Variants in ITGB3BP observed in about 807,000 individuals in gnomAD.
The protein encoded by ITGB3BP is centromere protein R.
Under a neutral mutation model 29.1 loss-of-function variants are expected in ITGB3BP, and 27 were observed. That is an observed-to-expected ratio of 0.93 (90% CI 0.68 to 1.28). The LOEUF is 1.28. Among genes scored for constraint, ITGB3BP ranks in the 50% most tolerant of loss-of-function variants. The pLI is 0.00. For synonymous variants in ITGB3BP, 61 were observed against 61.4 expected (o/e 0.99, Z 0.03); for missense variants, 192 against 200.2 (o/e 0.96, Z 0.25).
intron 1 of ITGB3BP, 99 bp downstream of exon 1, chr1:63,523,030 G>GA: frequency 6.8e-7 from 1 of 1,462,838 alleles, no homozygotes; most frequent in Middle Eastern, 1.7e-4. Context: ...TTCATACTCC[G>GA]AAAAAATAGG....
chr1:63,528,668 T>TA (rs1646640463), intron 2 of ITGB3BP, among the ~76,000 whole-genome samples: 2 of 152,108 alleles, frequency 1.3e-5, no homozygotes, highest in African/African-American at 4.8e-5. Context: ...AAATCTCATA[T>TA]TATACACCTA....
intron 8 of ITGB3BP, among the ~76,000 whole-genome samples, chr1:63,443,694 G>C (rs917860154): frequency 2.0e-5 from 3 of 152,142 alleles, no homozygotes; most frequent in African/African-American, 7.2e-5. Context: ...CTGGAAGAGA[G>C]GTAATGGAGA....
chr1:63,468,452 G>A (rs1489590065), intron 4 of ITGB3BP, among the ~76,000 whole-genome samples: 3 of 152,240 alleles, frequency 2.0e-5, no homozygotes, highest in South Asian at 2.1e-4. Flanking sequence ...CTGCAGCTGG[G>A]CACGGTGGCT....
chr1:63,493,090 G>GCGCGCGCA (rs1260680627), intron 2 of ITGB3BP, among the ~76,000 whole-genome samples: 4 of 141,580 alleles, frequency 2.8e-5, no homozygotes, highest in Non-Finnish European at 4.5e-5. Flanking sequence ...ACACACACAC[G>GCGCGCGCA]CGCGCGCGCG....
chr1:63,515,872 C>T (rs969866935), intron 1 of ITGB3BP, among the ~76,000 whole-genome samples: 5 of 146,452 alleles, frequency 3.4e-5, no homozygotes, highest in South Asian at 2.2e-4. Context: ...CAGCAACCAC[C>T]ACACTACTGG....
chr1:63,523,207 A>G lies in ITGB3BP; in HGVS notation c.-74T>C, dbSNP rs1285269699. The G allele has an allele frequency of 1.4e-4, 226 of 1,605,324 alleles. 1 individual carries two copies. The highest frequency in any genetic ancestry group is 3.7e-5 in the Non-Finnish European group (43 of 1,173,816). On this transcript the variant is annotated 5_prime_UTR_variant, in exon 1 of 9. Transcript: ENST00000271002. Reference sequence around the variant, plus strand: ...AACTTCCGAAAACAGAAAATCCGCCAAAGGAAACGCCAAGGCATGAAAAGC... The same window carrying G: ...AACTTCCGAAAACAGAAAATCCGCCGAAGGAAACGCCAAGGCATGAAAAGC...
intron 4 of ITGB3BP, among the ~76,000 whole-genome samples, chr1:63,478,489 G>T (rs958250860): frequency 2.0e-5 from 3 of 152,182 alleles, no homozygotes; most frequent in African/African-American, 7.2e-5. Context: ...TCTGAAATAA[G>T]TGTCTTCCTC....
intron 8 of ITGB3BP, among the ~76,000 whole-genome samples, chr1:63,445,903 TTTG>T (rs779102751): frequency 1.3e-5 from 2 of 149,166 alleles, no homozygotes; most frequent in Admixed American, 6.7e-5. Context: ...AATGCCAGTT[TTTG>T]TTGTTGTTTT....
rs1244565739 is a variant in ITGB3BP, at chr1:63,456,330, G to GT, written c.255-1363dup. 1.7e-3 allele frequency among the ~76,000 whole-genome samples: 261 copies of GT among 152,168 alleles called. 1 individual carries two copies. Among genetic ancestry groups the GT allele is most frequent in the Non-Finnish European group, 3.2e-3 (218 of 67,990 alleles). ...AATTATGAGGACAGTGGAATTTTGG[G>GT]TGTTTTTTTTCTTTAAAAGTTTTCC... On this transcript the variant is annotated intron_variant, in intron 4 of 8. Transcript: ENST00000271002.
chr1:63,516,712 GAAA>G (rs60397963), intron 1 of ITGB3BP, among the ~76,000 whole-genome samples: 3 of 115,908 alleles, frequency 2.6e-5, no homozygotes, highest in African/African-American at 3.7e-5. Flanking sequence ...CTTGTTTCAT[GAAA>G]AAAAAAAAAA....
intron 3 of ITGB3BP, among the ~76,000 whole-genome samples, chr1:63,486,093 A>G (rs1463124281): frequency 6.6e-6 from 1 of 151,968 alleles, no homozygotes; most frequent in Non-Finnish European, 1.5e-5. Flanking sequence ...CTATCATTTC[A>G]CTTTATTGTT....
At chr1:63,523,089 G>A (rs368741438) in intron 1 of ITGB3BP, 40 bp downstream of exon 1, 31 of 1,612,000 alleles carry the variant, frequency 1.9e-5, no homozygotes, top group Admixed American at 1.8e-4. Context: ...TTCTTGCAGA[G>A]GGCCCCCAAA....
intron 1 of ITGB3BP, among the ~76,000 whole-genome samples, chr1:63,509,732 G>A (rs1053650669): frequency 9.2e-5 from 14 of 152,214 alleles, no homozygotes; most frequent in Admixed American, 6.5e-4. Context: ...TATGCTTTTA[G>A]AAATCTACTT....
chr1:63,458,674 C>T (rs1282555764), intron 4 of ITGB3BP, among the ~76,000 whole-genome samples: 2 of 152,018 alleles, frequency 1.3e-5, no homozygotes, highest in African/African-American at 4.8e-5. Flanking sequence ...TTGTAACTTC[C>T]AATTGTTTGA....
At chr1:63,483,487 A>G (rs975229957) in intron 3 of ITGB3BP, among the ~76,000 whole-genome samples, 1 of 152,100 alleles carries the variant, frequency 6.6e-6, no homozygotes, top group Non-Finnish European at 1.5e-5. Context: ...GAGGGCTAAC[A>G]TTTCATTAGA....
At chr1:63,452,505 A>G (rs561240407) in intron 7 of ITGB3BP, among the ~76,000 whole-genome samples, 1 of 152,212 alleles carries the variant, frequency 6.6e-6, no homozygotes, top group Non-Finnish European at 1.5e-5. Context: ...TACACAACTA[A>G]AGTAACAGAC....
chr1:63,441,491 C>G (rs1057079866), intron 8 of ITGB3BP, among the ~76,000 whole-genome samples: 3 of 152,176 alleles, frequency 2.0e-5, no homozygotes, highest in Admixed American at 1.3e-4. Context: ...CCACCTCGGC[C>G]TCCCAGAGTG....
At chr1:63,516,886 C>T (rs182899781) in intron 1 of ITGB3BP, among the ~76,000 whole-genome samples, 4 of 152,068 alleles carry the variant, frequency 2.6e-5, no homozygotes, top group East Asian at 1.9e-4. Flanking sequence ...AATTATCTTT[C>T]GGGTACAATG....
intron 4 of ITGB3BP, among the ~76,000 whole-genome samples, chr1:63,478,068 T>G (rs1042212685): frequency 2.0e-5 from 3 of 152,198 alleles, no homozygotes; most frequent in Admixed American, 2.0e-4. Flanking sequence ...TTATAATACC[T>G]AACACAATGT....
Sources: gnomAD v4.1 joint callset for allele counts (sites outside exome capture counted in the v4.1 genomes callset) on GRCh38, gnomAD v4.1.1 for gene constraint, MANE v1.5 for transcripts, NCBI Gene and HGNC (gene_info 2026-07-23, HGNC 2026-07-21) for gene names.